Variants in TBL1XR1 observed in about 807,000 individuals in gnomAD.
TBL1XR1 encodes the protein F-box-like/WD repeat-containing protein TBL1XR1.
TBL1XR1 carries 5 observed loss-of-function variants against 66.9 expected under a neutral mutation model. The ratio of observed to expected loss-of-function variants is 0.07; its 90% CI spans 0.04 to 0.16. TBL1XR1 has a LOEUF of 0.16. Ranked by LOEUF, TBL1XR1 falls within the 10% of genes least tolerant of loss-of-function variation. The pLI, the probability that TBL1XR1 is intolerant of heterozygous loss-of-function variation, is 1.00. For synonymous variants in TBL1XR1, 210 were observed against 206.0 expected (o/e 1.02, Z -0.17); for missense variants, 238 against 623.2 (o/e 0.38, Z 6.58).
rs374510003 is a variant in TBL1XR1, at chr3:177,082,738, TTATATATATATATATA to T, written c.-46+15712_-46+15727del. On this transcript the variant is annotated intron_variant, in intron 2 of 15. Coordinates refer to ENST00000457928, the MANE Select transcript of TBL1XR1 (RefSeq NM_024665.7). ...TATTACTAAATTTCTAAGATAGAGA[TTATATATATATATATA>T]TATATATATATATGAATATGAGACG... 5.2e-3 allele frequency among the ~76,000 whole-genome samples: 327 copies of T among 63,248 alleles called. 25 individuals carry two copies. Among genetic ancestry groups the T allele is most frequent in the Non-Finnish European group, 5.1e-3 (171 of 33,302 alleles). The allele number at this position is 63,248 out of a possible 152,430, so 41.5% of individuals were successfully genotyped here. A position where few individuals can be genotyped will look rare whatever the true frequency, so the allele number is the denominator to read the frequency against.
chr3:177,128,476 C>G (rs1057195740), intron 1 of TBL1XR1, among the ~76,000 whole-genome samples: 1 of 152,106 alleles, frequency 6.6e-6, no homozygotes, highest in Non-Finnish European at 1.5e-5. Context: ...CAAGCTCACG[C>G]GATCATCTCA....
intron 1 of TBL1XR1, among the ~76,000 whole-genome samples, chr3:177,099,734 G>A (rs913422637): frequency 6.6e-6 from 1 of 152,184 alleles, no homozygotes; most frequent in South Asian, 2.1e-4. Context: ...ATCATGACTA[G>A]ATACCACTAG....
intron 1 of TBL1XR1, among the ~76,000 whole-genome samples, chr3:177,170,861 TC>T (rs1259402541): frequency 6.6e-6 from 1 of 151,954 alleles, no homozygotes; most frequent in Non-Finnish European, 1.5e-5. Context: ...CACCTCAGCC[TC>T]CCAAAGTGCT....
intron 1 of TBL1XR1, among the ~76,000 whole-genome samples, chr3:177,178,746 G>A (rs1299064225): frequency 6.6e-6 from 1 of 152,122 alleles, no homozygotes; most frequent in East Asian, 1.9e-4. Flanking sequence ...ACAAGTTGTG[G>A]AAAAGGTTCC....
intron 14 of TBL1XR1, chr3:177,026,705 C>A (rs1461590414): frequency 4.8e-6 from 2 of 414,772 alleles, no homozygotes; most frequent in Non-Finnish European, 4.2e-6. Context: ...TTTCTCCAGT[C>A]TTGATAACCA....
At chr3:177,108,319 A>G (rs2108706873) in intron 1 of TBL1XR1, among the ~76,000 whole-genome samples, 1 of 152,316 alleles carries the variant, frequency 6.6e-6, no homozygotes, top group South Asian at 2.1e-4. Flanking sequence ...GTTCATTAAG[A>G]AAATTATAAG....
chr3:177,130,478 C>T (rs555956433), intron 1 of TBL1XR1, among the ~76,000 whole-genome samples: 115 of 152,228 alleles, frequency 7.6e-4, no homozygotes, highest in Non-Finnish European at 1.6e-3. Context: ...TAATATTCTA[C>T]AACGTTTTTG....
intron 10 of TBL1XR1, 62 bp downstream of exon 10, chr3:177,046,067 A>T: frequency 1.6e-6 from 2 of 1,284,264 alleles, no homozygotes; most frequent in Non-Finnish European, 2.1e-6. Flanking sequence ...ATATGCTGTT[A>T]AAAGTTTAAT....
chr3:177,060,037 G>A (rs1395563177), intron 3 of TBL1XR1, among the ~76,000 whole-genome samples: 1 of 152,108 alleles, frequency 6.6e-6, no homozygotes, highest in African/African-American at 2.4e-5. Context: ...CGGGCCTTTG[G>A]CCACAGATGG....
intron 2 of TBL1XR1, among the ~76,000 whole-genome samples, chr3:177,085,672 A>G (rs533032771): frequency 6.6e-6 from 1 of 152,332 alleles, no homozygotes; most frequent in South Asian, 2.1e-4. Flanking sequence ...GATAGCAAAC[A>G]CTATGATCTT....
At chr3:177,080,045 T>A (rs918701153) in intron 2 of TBL1XR1, 1 of 152,174 alleles carries the variant, frequency 6.6e-6, no homozygotes, top group Non-Finnish European at 1.5e-5. Context: ...CAATCAAATG[T>A]AAGATTTCTG....
At position 177,026,385 on chromosome 3, in the gene TBL1XR1, T is replaced by C. The variant is rs1468675014; in HGVS notation, c.1506A>G (p.Ala502=). The C allele has an allele frequency of 2.5e-6, 4 of 1,613,088 alleles. No homozygotes were observed. In the Admixed American group the frequency reaches 5.0e-5, roughly 20 times the overall value. Residue 502 remains alanine (A), a synonymous_variant, in exon 15 of 16, where the codon GCA becomes GCG. Coordinates refer to ENST00000457928, the MANE Select transcript of TBL1XR1 (RefSeq NM_024665.7). The part of the protein sequence containing the change: ...NAAGDKVGAS[A]SDGSVCVLDL... ...TTACTATACTTACTGAACCATCTGATGCACTGGCTCCAACTTTGTCTCCTG... is the reference window on the plus strand; with the variant it reads ...TTACTATACTTACTGAACCATCTGACGCACTGGCTCCAACTTTGTCTCCTG...
At chr3:177,107,030 G>A (rs1724973166) in intron 1 of TBL1XR1, among the ~76,000 whole-genome samples, 1 of 152,024 alleles carries the variant, frequency 6.6e-6, no homozygotes, top group Admixed American at 6.5e-5. Context: ...CCTTCTAAAT[G>A]AAGCAGTTCT....
chr3:177,156,165 C>CAAAAAAAA, intron 1 of TBL1XR1, among the ~76,000 whole-genome samples: 1 of 50,000 alleles, frequency 2.0e-5, no homozygotes, highest in Non-Finnish European at 3.5e-5. Context: ...TCTACTCTAC[C>CAAAAAAAA]AAAAAAAAAA....
rs187592800 is a variant in TBL1XR1, at chr3:177,128,626, G to A, written c.-121-30085C>T. On this transcript the variant is annotated intron_variant, in intron 1 of 15. Transcript: ENST00000457928. Reference sequence around the variant, plus strand: ...TGAGCTCAAGCAATCTGCCCCCGTCGTCCTCCGAAAGTGCTGGGATTACAG... The same window carrying A: ...TGAGCTCAAGCAATCTGCCCCCGTCATCCTCCGAAAGTGCTGGGATTACAG... Among the ~76,000 whole-genome samples the A allele has an allele frequency of 1.3e-3, 196 of 152,238 alleles. 1 individual carries two copies. Among genetic ancestry groups the A allele is most frequent in the Non-Finnish European group, 3.8e-4 (26 of 68,014 alleles).
rs1335448691 is a variant in TBL1XR1, at chr3:177,019,640, A to T, written c.*5858T>A. On this transcript the variant is annotated 3_prime_UTR_variant, in exon 16 of 16. Transcript: ENST00000457928. ...TGGTAAAACAGTAAACTTTGATCTG[A>T]TCTGCTACGGATTATACTAGGTAAT... 3 of 152,162 alleles carry T rather than the reference A, an allele frequency of 2.0e-5. No homozygotes were observed. The highest frequency in any genetic ancestry group is 4.4e-5 in the Non-Finnish European group (3 of 68,024). 9.4% of individuals were successfully genotyped at this position (152,162 alleles called of 1,614,324 possible).
chr3:177,044,037 T>C (rs1715981295), intron 10 of TBL1XR1, among the ~76,000 whole-genome samples: 2 of 152,184 alleles, frequency 1.3e-5, no homozygotes, highest in Admixed American at 1.3e-4. Flanking sequence ...TGATGCTCTG[T>C]CACCACACCC....
At chr3:177,133,128 A>G (rs1306904939) in intron 1 of TBL1XR1, among the ~76,000 whole-genome samples, 2 of 152,104 alleles carry the variant, frequency 1.3e-5, no homozygotes, top group Non-Finnish European at 2.9e-5. Context: ...TCTACTAAAA[A>G]TACAAAAAAC....
chr3:177,057,042 A>G (rs185943005), intron 3 of TBL1XR1, among the ~76,000 whole-genome samples: 1 of 152,284 alleles, frequency 6.6e-6, no homozygotes, highest in East Asian at 1.9e-4. Context: ...TCAAACGCCT[A>G]ATTATGGCAC....
Sources: gnomAD v4.1 joint callset for allele counts (sites outside exome capture counted in the v4.1 genomes callset) on GRCh38, gnomAD v4.1.1 for gene constraint, MANE v1.5 for transcripts, NCBI Gene and HGNC (gene_info 2026-07-23, HGNC 2026-07-21) for gene names.